Variants in TXNDC8 observed in about 807,000 individuals in gnomAD.
The protein encoded by TXNDC8 is thioredoxin domain containing 8, also known as thioredoxin domain-containing protein 8.
TXNDC8 carries 15 observed loss-of-function variants against 12.9 expected under a neutral mutation model. The ratio of observed to expected loss-of-function variants is 1.16; its 90% confidence interval spans 0.78 to 1.79. The LOEUF is 1.79. Among genes scored for constraint, TXNDC8 ranks in the 40% most tolerant of loss-of-function variants. TXNDC8 has a pLI of 0.00. For missense variants in TXNDC8, 128 were observed against 113.2 expected (o/e 1.13, Z -0.59); for synonymous variants, 40 against 35.4 (o/e 1.13, Z -0.46).
At chr9:110,314,910 T>G (rs1429380636) in intron 3 of TXNDC8, among the ~76,000 whole-genome samples, 11 of 152,222 alleles carry the variant, frequency 7.2e-5, no homozygotes, top group Admixed American at 7.2e-4. Context: ...TAGTAATAAC[T>G]GCTAATGAAA....
At chr9:110,329,612 A>G (rs552745732) in intron 2 of TXNDC8, among the ~76,000 whole-genome samples, 54 of 152,336 alleles carry the variant, frequency 3.5e-4, no homozygotes, top group Middle Eastern at 3.4e-3. Flanking sequence ...AGGAAGGGAT[A>G]GTAGAGTAGC....
At chr9:110,327,514 G>T (rs10759412) in intron 2 of TXNDC8, among the ~76,000 whole-genome samples, 1 of 151,636 alleles carries the variant, frequency 6.6e-6, no homozygotes, top group South Asian at 2.1e-4. Flanking sequence ...GTAGAGATGG[G>T]GGTTCGCCAC....
chr9:110,304,034 C>T (rs1838333707), intron 4 of TXNDC8, among the ~76,000 whole-genome samples: 1 of 152,148 alleles, frequency 6.6e-6, no homozygotes, highest in African/African-American at 2.4e-5. Flanking sequence ...AGCACATGTT[C>T]CTTTCAAATG....
chr9:110,317,387 A>G (rs531675405), intron 3 of TXNDC8, among the ~76,000 whole-genome samples: 2 of 152,156 alleles, frequency 1.3e-5, no homozygotes, highest in African/African-American at 4.8e-5. Context: ...AGGTGAGCTT[A>G]TCTGTTAAGC....
intron 1 of TXNDC8, among the ~76,000 whole-genome samples, chr9:110,337,283 T>A (rs145646009): frequency 1.2e-3 from 182 of 152,336 alleles, no homozygotes; most frequent in African/African-American, 4.3e-3. Context: ...GGCAATTTTC[T>A]CCTTTATAAA....
Position 110,303,528 on chromosome 9 carries a change from A to G in TXNDC8, c.*154T>C. On this transcript the variant is annotated 3_prime_UTR_variant, in exon 5 of 5. Transcript: ENST00000423740. ...TTTGCCTTGGAGATCAGCTTACATTAATTCTTGAGTCTTGGCTTCCAATTT... is the reference window on the plus strand; with the variant it reads ...TTTGCCTTGGAGATCAGCTTACATTGATTCTTGAGTCTTGGCTTCCAATTT... The G allele has an allele frequency of 2.0e-6, 3 of 1,527,798 alleles. No homozygotes were observed. The highest frequency in any genetic ancestry group is 2.4e-5 in the South Asian group (2 of 83,244). The allele number at this position is 1,527,798 out of a possible 1,614,324, so 94.6% of individuals were successfully genotyped here.
At chr9:110,307,082 C>T (rs59627340) in intron 3 of TXNDC8, among the ~76,000 whole-genome samples, 1 of 151,548 alleles carries the variant, frequency 6.6e-6, no homozygotes, top group African/African-American at 2.4e-5. Context: ...GCTAGGACTA[C>T]AAGCATGCAC....
chr9:110,310,900 A>G (rs1452840115), intron 3 of TXNDC8, among the ~76,000 whole-genome samples: 2 of 152,264 alleles, frequency 1.3e-5, no homozygotes, highest in Non-Finnish European at 2.9e-5. Flanking sequence ...TTTTTAATAA[A>G]TAAGACATTG....
intron 3 of TXNDC8, among the ~76,000 whole-genome samples, chr9:110,309,579 G>A (rs927212507): frequency 6.6e-6 from 1 of 152,164 alleles, no homozygotes; most frequent in Non-Finnish European, 1.5e-5. Context: ...CAGGTGATCT[G>A]CGCATCTTGA....
chr9:110,310,721 C>T (rs756180147), intron 3 of TXNDC8, among the ~76,000 whole-genome samples: 8 of 152,090 alleles, frequency 5.3e-5, no homozygotes, highest in Non-Finnish European at 7.4e-5. Flanking sequence ...TTATTGGAAG[C>T]GTAATATTAG....
At chr9:110,331,719 A>G (rs950878801) in intron 2 of TXNDC8, among the ~76,000 whole-genome samples, 2 of 152,292 alleles carry the variant, frequency 1.3e-5, no homozygotes, top group Middle Eastern at 3.4e-3. Context: ...TCTCATAAGG[A>G]GGGTGCAACC....
At position 110,311,940 on chromosome 9, in the gene TXNDC8, G is replaced by A. The variant is rs72757087; in HGVS notation, c.196-7408C>T. ...TTTCACTCTTGTTGCTCAGGCTAGA[G>A]GGCAGTGGCACTATCTCTGCTTGCC... is the stretch of plus-strand genomic sequence containing the variant. On this transcript the variant is annotated intron_variant, in intron 3 of 4. Transcript: ENST00000423740. Among the ~76,000 whole-genome samples the A allele has an allele frequency of 5.8e-3, 866 of 149,382 alleles. 4 individuals carry two copies. Among genetic ancestry groups the A allele is most frequent in the South Asian group, 0.02 (93 of 4,748 alleles).
At chr9:110,334,132 C>T (rs1244867486) in intron 2 of TXNDC8, 84 bp downstream of exon 2, 4 of 1,251,394 alleles carry the variant, frequency 3.2e-6, no homozygotes, top group Middle Eastern at 1.9e-4. Context: ...TCATAATTGC[C>T]AAACTTTTAA....
At chr9:110,335,308 C>T (rs1238530209) in intron 1 of TXNDC8, among the ~76,000 whole-genome samples, 1 of 152,102 alleles carries the variant, frequency 6.6e-6, no homozygotes, top group African/African-American at 2.4e-5. Context: ...GCGATCTCAG[C>T]TCACTGCAGA....
At chr9:110,328,962 A>G (rs750613558) in intron 2 of TXNDC8, among the ~76,000 whole-genome samples, 3 of 152,206 alleles carry the variant, frequency 2.0e-5, no homozygotes, top group Non-Finnish European at 4.4e-5. Context: ...GGTGAAGAAA[A>G]CTGGGATTGA....
At position 110,326,283 on chromosome 9, in the gene TXNDC8, C is replaced by G. The variant is rs1406205568; in HGVS notation, c.130-43G>C. 11 of 1,602,954 alleles carry G rather than the reference C, an allele frequency of 6.9e-6. No individual in the cohort carries two copies. In the East Asian group the frequency reaches 2.5e-4, roughly 36 times the overall value. ...TGGCATGAAGTTACAGTATTGGTGT[C>G]CTCTCTCTGTACCAAGCATGTTATT... On this transcript the variant is annotated intron_variant, in intron 2 of 4. Transcript: ENST00000423740.
intron 2 of TXNDC8, among the ~76,000 whole-genome samples, chr9:110,330,454 C>T (rs1485882032): frequency 6.6e-6 from 1 of 152,198 alleles, no homozygotes; most frequent in East Asian, 1.9e-4. Context: ...CTTGATCTGG[C>T]CTCAGCTTCC....
At chr9:110,321,552 T>C (rs1358924060) in intron 3 of TXNDC8, among the ~76,000 whole-genome samples, 2 of 152,140 alleles carry the variant, frequency 1.3e-5, no homozygotes, top group Non-Finnish European at 2.9e-5. Flanking sequence ...TTTAAAATAA[T>C]AAAGGACACA....
At chr9:110,304,026 C>A (rs569611779) in intron 4 of TXNDC8, among the ~76,000 whole-genome samples, 1 of 152,250 alleles carries the variant, frequency 6.6e-6, no homozygotes, top group South Asian at 2.1e-4. Context: ...TTCTAAGAAG[C>A]ACATGTTCCT....
Sources: allele counts gnomAD v4.1 joint callset (sites outside exome capture counted in the v4.1 genomes callset), GRCh38; gene constraint gnomAD v4.1.1; transcripts MANE v1.5; gene names NCBI Gene and HGNC (gene_info 2026-07-23, HGNC 2026-07-21).